The following CSNK2A2 variants were observed in gnomAD, a reference collection of about 807,000 sequenced individuals.
CSNK2A2 encodes casein kinase II subunit alpha'.
In CSNK2A2, 8 loss-of-function variants were observed where a neutral mutation model predicts 54.0. The ratio of observed to expected loss-of-function variants is 0.15; its 90% CI spans 0.09 to 0.27. The LOEUF (loss-of-function observed/expected upper bound fraction) is 0.27, where lower values mean the gene tolerates loss of function less well. Ranked by LOEUF, CSNK2A2 falls within the 10% of genes least tolerant of loss-of-function variation. CSNK2A2 has a pLI of 1.00. For synonymous variants in CSNK2A2, 141 were observed against 153.9 expected (o/e 0.92, Z 0.62); for missense variants, 242 against 439.4 (o/e 0.55, Z 4.02).
rs1435591271 is a variant in CSNK2A2 at position 58,166,596 on chromosome 16, T to C, written c.815A>G (p.Asp272Gly). ...CTCTCTTACTTACTGTCCCAGGATA[T>C]CGTTGAAGTGTGGATCTAGGTCTAT... ...YHIDLDPHFN[D>G]ILGQHSRKRW... The change falls in exon 9 of 12, where the codon GAT (aspartate) becomes GGT (glycine). Residue 272 changes from aspartate to glycine, a missense_variant. Physicochemically the swap from Asp to Gly is moderately conservative, Grantham distance 94. Transcript: ENST00000262506. 1 of 1,607,280 alleles carries C rather than the reference T, an allele frequency of 6.2e-7. No individual in the cohort carries two copies. The highest frequency in any genetic ancestry group is 1.7e-4 in the Middle Eastern group (1 of 6,056).
rs1280970276 is a variant in CSNK2A2, at chr16:58,186,923, A to G, written c.217-67T>C. Reference sequence around the variant, plus strand: ...AGTTAATAAATAAAACTTTAAAACAATGTTAGCCAATCAGATGGATAGTAC... The same window carrying G: ...AGTTAATAAATAAAACTTTAAAACAGTGTTAGCCAATCAGATGGATAGTAC... On this transcript the variant is annotated intron_variant, in intron 2 of 11. Coordinates refer to ENST00000262506, the MANE Select transcript of CSNK2A2 (RefSeq NM_001896.4). The G allele has an allele frequency of 6.4e-6, 8 of 1,242,498 alleles. No homozygotes were observed. In the African/African-American group the frequency reaches 1.0e-4, roughly 16 times the overall value. 77.0% of individuals were successfully genotyped at this position (1,242,498 alleles called of 1,614,324 possible).
At chr16:58,171,314 G>A (rs1961729553) in intron 5 of CSNK2A2, among the ~76,000 whole-genome samples, 1 of 152,040 alleles carries the variant, frequency 6.6e-6, no homozygotes, top group South Asian at 2.1e-4. Flanking sequence ...ACGAGGTCAG[G>A]AGTTTTGAGA....
intron 4 of CSNK2A2, among the ~76,000 whole-genome samples, chr16:58,180,870 C>G (rs987284311): frequency 6.6e-6 from 1 of 152,036 alleles, no homozygotes; most frequent in African/African-American, 2.4e-5. Context: ...GACAAAAAAA[C>G]AAACTTTCCT....
chr16:58,180,954 G>C (rs986299119), intron 4 of CSNK2A2, among the ~76,000 whole-genome samples: 1 of 152,164 alleles, frequency 6.6e-6, no homozygotes, highest in African/African-American at 2.4e-5. Flanking sequence ...TTTGTTTGTG[G>C]CCTGCCATAC....
At chr16:58,166,740 G>C in intron 8 of CSNK2A2, 56 bp from the exon 9 acceptor site, 1 of 1,224,764 alleles carries the variant, frequency 8.2e-7, no homozygotes, top group Non-Finnish European at 1.2e-6. Context: ...CCATGAGCCC[G>C]TGAGGACACT....
At chr16:58,163,352 T>G (rs1961452728) in intron 11 of CSNK2A2, 1 of 152,012 alleles carries the variant, frequency 6.6e-6, no homozygotes, top group South Asian at 2.1e-4. Context: ...AGCTCCAAGT[T>G]ATGCACTTAG....
chr16:58,164,219 C>G, intron 10 of CSNK2A2, 72 bp from the exon 11 acceptor site: 1 of 1,405,902 alleles, frequency 7.1e-7, no homozygotes. Flanking sequence ...GCAAACCCAC[C>G]CTTTCAACGG....
chr16:58,171,929 T>C lies in CSNK2A2; in HGVS notation c.429+2522A>G, dbSNP rs374814743. Reference sequence around the variant, plus strand: ...TCCACCTCCTGAGTAGCTGGAACCATAGGCATGTACCACTACACCTGGAGC... The same window carrying C: ...TCCACCTCCTGAGTAGCTGGAACCACAGGCATGTACCACTACACCTGGAGC... On this transcript the variant is annotated intron_variant, in intron 5 of 11. Transcript: ENST00000262506. Among the ~76,000 whole-genome samples, 10 of 140,490 alleles carry C rather than the reference T, an allele frequency of 7.1e-5. No homozygotes were observed. In the East Asian group the frequency reaches 1.7e-3, roughly 25 times the overall value. The allele number at this position is 140,490 out of a possible 152,430, so 92.2% of individuals were successfully genotyped here.
At chr16:58,192,457 A>C (rs1962342154) in intron 2 of CSNK2A2, among the ~76,000 whole-genome samples, 1 of 152,010 alleles carries the variant, frequency 6.6e-6, no homozygotes, top group Admixed American at 6.6e-5. Context: ...TAAAAAAAAA[A>C]AAAACCATAA....
chr16:58,194,303 T>C (rs560755348), intron 2 of CSNK2A2, among the ~76,000 whole-genome samples: 2 of 152,344 alleles, frequency 1.3e-5, no homozygotes, highest in East Asian at 3.9e-4. Flanking sequence ...CTTCAACTTA[T>C]TTGAATAAAG....
chr16:58,165,632 G>A lies in CSNK2A2; in HGVS notation c.904C>T (p.Leu302=). 1 of 1,614,160 alleles carries A rather than the reference G, an allele frequency of 6.2e-7. No homozygotes were observed. Among genetic ancestry groups the A allele is most frequent in the Non-Finnish European group, 8.5e-7 (1 of 1,180,000 alleles). The change falls in exon 10 of 12, where the codon CTG becomes TTG. Residue 302 remains leucine (L), a synonymous_variant. Transcript: ENST00000262506. ...TGGTCGTATCGCAGAAGTTTGTCCA[G>A]AAGATCTAGGGCCTCAGGGCTGACA... ...HLVSPEALDL[L]DKLLRYDHQQ...
chr16:58,182,673 C>T (rs1284162897), intron 4 of CSNK2A2, among the ~76,000 whole-genome samples: 1 of 151,992 alleles, frequency 6.6e-6, no homozygotes, highest in Non-Finnish European at 1.5e-5. Flanking sequence ...GGGAATTACA[C>T]TACGAACTTC....
In CSNK2A2 at chr16:58,186,865, C is replaced by T; in HGVS notation, c.217-9G>A. Reference sequence around the variant, plus strand: ...TTCTTTTTCTTCACTGGCTTAAATACACAAGAGTAATCAGAAGTGAGACTC... The same window carrying T: ...TTCTTTTTCTTCACTGGCTTAAATATACAAGAGTAATCAGAAGTGAGACTC... On this transcript the variant is annotated splice_polypyrimidine_tract_variant and intron_variant, in intron 2 of 11. Transcript: ENST00000262506. 6.2e-7 allele frequency: 1 copy of T among 1,603,542 alleles called. No homozygotes were observed.
intron 4 of CSNK2A2, among the ~76,000 whole-genome samples, chr16:58,180,731 A>C (rs1033652978): frequency 6.6e-6 from 1 of 152,222 alleles, no homozygotes; most frequent in African/African-American, 2.4e-5. Flanking sequence ...GCACAAATAT[A>C]AAATACTGAA....
At chr16:58,186,321 A>T (rs1962191925) in intron 3 of CSNK2A2, among the ~76,000 whole-genome samples, 1 of 152,230 alleles carries the variant, frequency 6.6e-6, no homozygotes, top group Non-Finnish European at 1.5e-5. Flanking sequence ...TGGAGCTGGG[A>T]CCTGCTCAGG....
intron 5 of CSNK2A2, among the ~76,000 whole-genome samples, chr16:58,171,206 C>T (rs75509729): frequency 0.023 from 3,445 of 152,186 alleles, 72 homozygotes; most frequent in Non-Finnish European, 0.032. Context: ...TGTGCTTTTC[C>T]CTGAACCAAG....
In CSNK2A2 at chr16:58,162,974, A is replaced by G. The variant is rs545565446; in HGVS notation, c.*17+1080T>C. 2.0e-5 allele frequency: 3 copies of G among 152,326 alleles called. No individual in the cohort carries two copies. In the East Asian group the frequency reaches 5.8e-4, roughly 29 times the overall value. 9.4% of individuals were successfully genotyped at this position (152,326 alleles called of 1,614,324 possible). On this transcript the variant is annotated intron_variant, in intron 11 of 11. Coordinates refer to ENST00000262506, the MANE Select transcript of CSNK2A2 (RefSeq NM_001896.4). ...CTTATCTTTGCCATCACATAAATGTATCACATATCAGAACTTACAAATGCA... is the reference window on the plus strand; with the variant it reads ...CTTATCTTTGCCATCACATAAATGTGTCACATATCAGAACTTACAAATGCA...
At chr16:58,194,584 T>C (rs2142454254) in intron 2 of CSNK2A2, among the ~76,000 whole-genome samples, 1 of 152,348 alleles carries the variant, frequency 6.6e-6, no homozygotes, top group South Asian at 2.1e-4. Flanking sequence ...CTCCCAAGTC[T>C]GATTCCAGGA....
At chr16:58,189,960 A>G (rs895347196) in intron 2 of CSNK2A2, among the ~76,000 whole-genome samples, 1 of 152,212 alleles carries the variant, frequency 6.6e-6, no homozygotes, top group Non-Finnish European at 1.5e-5. Flanking sequence ...GTTAGGATTT[A>G]TGAGGGAGGA....
Sources: gnomAD v4.1 joint callset for allele counts (sites outside exome capture counted in the v4.1 genomes callset) on GRCh38, gnomAD v4.1.1 for gene constraint, MANE v1.5 for transcripts, NCBI Gene and HGNC (gene_info 2026-07-23, HGNC 2026-07-21) for gene names.